Variants in CCDC175 observed in about 807,000 individuals in gnomAD.
CCDC175 encodes coiled-coil domain-containing protein 175.
Under a neutral mutation model 114.6 loss-of-function variants are expected in CCDC175, and 100 were observed. The ratio of observed to expected loss-of-function variants is 0.87; its 90% CI spans 0.74 to 1.03. The LOEUF (loss-of-function observed/expected upper bound fraction) is 1.03. Among genes scored for constraint, CCDC175 ranks in the 50% least tolerant of loss-of-function variants. The pLI is 0.00. For synonymous variants in CCDC175, 306 were observed against 308.7 expected, an observed-to-expected ratio of 0.99 and a Z score of 0.09; for missense variants, 880 against 917.8, an observed-to-expected ratio of 0.96 and a Z score of 0.53.
At chr14:59,525,524 T>C (rs1893691006) in intron 15 of CCDC175, 90 bp from the exon 16 acceptor site, 1 of 895,248 alleles carries the variant, frequency 1.1e-6, no homozygotes, top group Non-Finnish European at 1.6e-6. Flanking sequence ...TGGAGCCAGA[T>C]TCTAAATTAA....
At chr14:59,518,375 T>C (rs1160061401) in intron 17 of CCDC175, among the ~76,000 whole-genome samples, 1 of 151,928 alleles carries the variant, frequency 6.6e-6, no homozygotes, top group Non-Finnish European at 1.5e-5. Flanking sequence ...ATCATCAGAG[T>C]GAACAGGCAA....
At chr14:59,537,557 C>T (rs1956359) in intron 13 of CCDC175, among the ~76,000 whole-genome samples, 78,524 of 151,850 alleles carry the variant, frequency 0.52, 21,572 homozygotes, top group East Asian at 0.82. Flanking sequence ...TATTGTGTTT[C>T]TGTGGACCTG....
intron 12 of CCDC175, 94 bp from the exon 13 acceptor site, chr14:59,538,248 G>C: frequency 9.7e-7 from 1 of 1,034,040 alleles, no homozygotes; most frequent in South Asian, 1.7e-5. Context: ...TTTGCAGGAG[G>C]CCTGCTTCTG....
At chr14:59,569,596 CAAAG>C in intron 3 of CCDC175, among the ~76,000 whole-genome samples, 1 of 152,080 alleles carries the variant, frequency 6.6e-6, no homozygotes, top group Non-Finnish European at 1.5e-5. Flanking sequence ...GAACAGCAAA[CAAAG>C]AAAAAGAAAA....
intron 13 of CCDC175, among the ~76,000 whole-genome samples, chr14:59,533,615 A>G (rs1326822183): frequency 6.6e-6 from 1 of 152,234 alleles, no homozygotes; most frequent in Admixed American, 6.5e-5. Flanking sequence ...GCATAGAAAA[A>G]TACCATAATT....
chr14:59,549,726 A>AAAAAAAAAAG (rs1176474452), intron 8 of CCDC175, among the ~76,000 whole-genome samples: 12 of 150,788 alleles, frequency 8.0e-5, no homozygotes, highest in South Asian at 2.1e-4. Context: ...TCTCAAAAAA[A>AAAAAAAAAAG]AAAAGAAAAA....
At chr14:59,558,303 C>T (rs1414810587) in intron 7 of CCDC175, among the ~76,000 whole-genome samples, 5 of 152,122 alleles carry the variant, frequency 3.3e-5, no homozygotes, top group African/African-American at 1.2e-4. Context: ...AGAAGAGCAA[C>T]ATGAACCTAT....
At chr14:59,549,719 C>CAAAAAA (rs370269871) in intron 8 of CCDC175, among the ~76,000 whole-genome samples, 3 of 89,588 alleles carry the variant, frequency 3.3e-5, no homozygotes, top group Admixed American at 1.3e-4. Flanking sequence ...GACTATGTCT[C>CAAAAAA]AAAAAAAAAA....
At chr14:59,519,538 G>T (rs896516500) in intron 17 of CCDC175, among the ~76,000 whole-genome samples, 4 of 152,162 alleles carry the variant, frequency 2.6e-5, no homozygotes, top group Non-Finnish European at 4.4e-5. Flanking sequence ...GAAAAGTCAA[G>T]CTTCAGACAG....
chr14:59,555,390 A>G (rs1188944522), intron 7 of CCDC175, among the ~76,000 whole-genome samples: 1 of 152,244 alleles, frequency 6.6e-6, no homozygotes, highest in Non-Finnish European at 1.5e-5. Flanking sequence ...AGATGCAGAA[A>G]AGGCCTTTGA....
At chr14:59,506,663 G>C (rs1446612672) in intron 19 of CCDC175, among the ~76,000 whole-genome samples, 2 of 152,110 alleles carry the variant, frequency 1.3e-5, no homozygotes, top group African/African-American at 2.4e-5. Context: ...TCCTATTTCA[G>C]ATCTTAATTT....
chr14:59,530,542 T>C (rs1236300568), intron 14 of CCDC175, among the ~76,000 whole-genome samples: 1 of 151,860 alleles, frequency 6.6e-6, no homozygotes, highest in African/African-American at 2.4e-5. Flanking sequence ...GTAAAAGTGA[T>C]AAGAGGCCAA....
At chr14:59,572,882 G>A in intron 2 of CCDC175, 69 bp from the exon 3 acceptor site, 1 of 883,824 alleles carries the variant, frequency 1.1e-6, no homozygotes, top group Non-Finnish European at 1.7e-6. Flanking sequence ...CCTAAACAAT[G>A]CCCTACAAAT....
intron 6 of CCDC175, 110 bp from the exon 7 acceptor site, chr14:59,561,338 G>A: frequency 1.9e-6 from 1 of 523,142 alleles, no homozygotes; most frequent in African/African-American, 1.9e-5. Flanking sequence ...TTTACATTAG[G>A]AGTGTACTTC....
At chr14:59,517,638 G>C (rs896971354) in intron 17 of CCDC175, among the ~76,000 whole-genome samples, 4 of 152,164 alleles carry the variant, frequency 2.6e-5, no homozygotes, top group Non-Finnish European at 4.4e-5. Flanking sequence ...TCTTCAAGGA[G>C]AACTACAAAC....
chr14:59,513,824 C>A (rs1892892135), intron 17 of CCDC175, among the ~76,000 whole-genome samples: 1 of 152,310 alleles, frequency 6.6e-6, no homozygotes, highest in Non-Finnish European at 1.5e-5. Context: ...AGTAGAGGTT[C>A]TCCTAGCACG....
intron 13 of CCDC175, among the ~76,000 whole-genome samples, chr14:59,535,855 A>G (rs1185897417): frequency 2.6e-5 from 4 of 152,214 alleles, no homozygotes; most frequent in Non-Finnish European, 4.4e-5. Flanking sequence ...TCACACATCC[A>G]ATAGTTGGCT....
chr14:59,508,970 T>C (rs989986205), intron 19 of CCDC175, among the ~76,000 whole-genome samples: 4 of 152,166 alleles, frequency 2.6e-5, no homozygotes, highest in Admixed American at 1.3e-4. Context: ...CTATAGCAAG[T>C]TCTGCATAAA....
intron 16 of CCDC175, among the ~76,000 whole-genome samples, chr14:59,522,602 C>G (rs1216024361): frequency 6.6e-6 from 1 of 152,204 alleles, no homozygotes; most frequent in Non-Finnish European, 1.5e-5. Flanking sequence ...TATCTCCTCT[C>G]CACAGCTCAC....
Sources: gnomAD v4.1 joint callset for allele counts (sites outside exome capture counted in the v4.1 genomes callset) on GRCh38, gnomAD v4.1.1 for gene constraint, MANE v1.5 for transcripts, NCBI Gene and HGNC (gene_info 2026-07-23, HGNC 2026-07-21) for gene names.